Variants in CAMKK1 observed in about 807,000 individuals in gnomAD.
The protein encoded by CAMKK1 is calcium/calmodulin-dependent protein kinase kinase 1.
Under a neutral mutation model 63.5 loss-of-function variants are expected in CAMKK1, and 20 were observed. That is an observed-to-expected ratio of 0.32 (90% CI 0.22 to 0.46). The LOEUF (loss-of-function observed/expected upper bound fraction) is 0.46. Ranked by LOEUF, CAMKK1 falls within the 20% of genes least tolerant of loss-of-function variation. The pLI, the probability that CAMKK1 is intolerant of heterozygous loss-of-function variation, is 1.00. For missense variants in CAMKK1, 588 were observed against 658.1 expected, an observed-to-expected ratio of 0.89 and a Z score of 1.17; for synonymous variants, 253 against 269.0, an observed-to-expected ratio of 0.94 and a Z score of 0.58.
chr17:3,888,835 C>G (rs943408781), intron 1 of CAMKK1, among the ~76,000 whole-genome samples: 1 of 152,104 alleles, frequency 6.6e-6, no homozygotes, highest in Non-Finnish European at 1.5e-5. Flanking sequence ...CAGGGCCTGG[C>G]GCCCCGGCCG....
At chr17:3,880,228 GCTGATTGGCAGGTCAGCT>G in intron 9 of CAMKK1, 100 bp downstream of exon 9, 1 of 843,504 alleles carries the variant, frequency 1.2e-6, no homozygotes, top group Non-Finnish European at 1.9e-6. Flanking sequence ...TCCCACTGAA[GCTGATTGGCAGGTCAGCT>G]CTGACTGACG....
At position 3,890,101 on chromosome 17, in the gene CAMKK1, G is replaced by C. The variant is rs1376188693; in HGVS notation, c.-44+2838C>G. 6.6e-6 allele frequency among the ~76,000 whole-genome samples: 1 copy of C among 152,218 alleles called. No homozygotes were observed. The highest frequency in any genetic ancestry group is 1.9e-4 in the East Asian group (1 of 5,190). On this transcript the variant is annotated intron_variant, in intron 1 of 15. Coordinates refer to ENST00000348335, the MANE Select transcript of CAMKK1 (RefSeq NM_032294.3). The surrounding 1 kb of genome is among the most constrained non-coding windows in gnomAD (Gnocchi z 6.5). Reference sequence around the variant, plus strand: ...GCGGCCACCCAGGCCAGACACAGAAGGTGGTCCTCCCATGCCTGGGCCGCC... The same window carrying C: ...GCGGCCACCCAGGCCAGACACAGAACGTGGTCCTCCCATGCCTGGGCCGCC...
chr17:3,869,340 C>G (rs1179793881), intron 14 of CAMKK1, 147 bp downstream of exon 14: 3 of 1,066,710 alleles, frequency 2.8e-6, no homozygotes, highest in African/African-American at 3.2e-5. Context: ...TCTCCATGGG[C>G]CTCCAGCAGA....
In CAMKK1 at chr17:3,882,471, G is replaced by A; in HGVS notation, c.685+57C>T. 1 of 1,596,574 alleles carries A rather than the reference G, an allele frequency of 6.3e-7. No homozygotes were observed. Among genetic ancestry groups the A allele is most frequent in the Non-Finnish European group, 8.6e-7 (1 of 1,167,686 alleles). On this transcript the variant is annotated intron_variant, in intron 7 of 15. Transcript: ENST00000348335. The surrounding 1 kb of genome is among the most constrained non-coding windows in gnomAD (Gnocchi z 4.3). Reference sequence around the variant, plus strand: ...CACCTGAAGGTCATACATGTCCCAAGGGAGCCCTTGGGCCAGCCCTGAGTG... The same window carrying A: ...CACCTGAAGGTCATACATGTCCCAAAGGAGCCCTTGGGCCAGCCCTGAGTG...
At position 3,892,766 on chromosome 17, in the gene CAMKK1, C is replaced by T. The variant is rs2055950682; in HGVS notation, c.-44+173G>A. 1.3e-5 allele frequency among the ~76,000 whole-genome samples: 2 copies of T among 152,224 alleles called. No individual in the cohort carries two copies. Among genetic ancestry groups the T allele is most frequent in the East Asian group, 3.9e-4 (2 of 5,170 alleles). ...CGAGCAGACTCCGCGAGGCACCCCG[C>T]AGACCCGGCCCCGCAGACAGAAGGG... On this transcript the variant is annotated intron_variant, in intron 1 of 15. Coordinates refer to ENST00000348335, the MANE Select transcript of CAMKK1 (RefSeq NM_032294.3). This position sits in a 1 kb window ranked among gnomAD's most constrained non-coding sequence, Gnocchi z 7.5.
chr17:3,869,006 T>C lies in CAMKK1; in HGVS notation c.1341+481A>G, dbSNP rs566805908. ...TTTTTTGAGACGCAGTCTCGCTCTG[T>C]GGCCCAGGCTGGAGTGCAGTGGCGC... On this transcript the variant is annotated intron_variant, in intron 14 of 15. Transcript: ENST00000348335. 4.0e-3 allele frequency among the ~76,000 whole-genome samples: 596 copies of C among 149,592 alleles called. 2 individuals carry two copies. The highest frequency in any genetic ancestry group is 6.8e-3 in the Non-Finnish European group (461 of 67,508).
chr17:3,865,747 A>T (rs1160704638), intron 15 of CAMKK1, 161 bp downstream of exon 15: 1 of 1,444,458 alleles, frequency 6.9e-7, no homozygotes, highest in African/African-American at 1.4e-5. Flanking sequence ...AGCCCCGACT[A>T]ACCTTGGGGA....
At chr17:3,873,273 C>G (rs1042960216) in intron 11 of CAMKK1, 136 bp downstream of exon 11, 2 of 767,548 alleles carry the variant, frequency 2.6e-6, no homozygotes, top group African/African-American at 3.5e-5. Context: ...GAAAAAGCCT[C>G]TTCTCTCTCA....
At chr17:3,876,521 C>T (rs1410211668) in intron 9 of CAMKK1, 99 bp from the exon 10 acceptor site, 2 of 1,025,418 alleles carry the variant, frequency 2.0e-6, no homozygotes, top group Non-Finnish European at 3.0e-6. Context: ...GCCGGGACAT[C>T]CCAGCCCATG....
chr17:3,891,367 T>C (rs2055896845), intron 1 of CAMKK1, among the ~76,000 whole-genome samples: 1 of 151,608 alleles, frequency 6.6e-6, no homozygotes, highest in South Asian at 2.1e-4. Flanking sequence ...TACAGCCGAG[T>C]AAGAAGGATC....
chr17:3,868,676 G>A (rs1205169732), intron 14 of CAMKK1, among the ~76,000 whole-genome samples: 5 of 151,384 alleles, frequency 3.3e-5, no homozygotes, highest in Admixed American at 2.6e-4. Context: ...TTTTTGAGAT[G>A]GAGTCTCGTT....
chr17:3,869,602 A>G lies in CAMKK1; in HGVS notation c.1226T>C (p.Val409Ala). 4 of 1,614,158 alleles carry G rather than the reference A, an allele frequency of 2.5e-6. No homozygotes were observed. Among genetic ancestry groups the G allele is most frequent in the Middle Eastern group, 3.3e-4 (2 of 6,062 alleles). The stretch of plus-strand genomic sequence containing the variant: ...AAGGGGCTCCTCCCCGTTCTTGGTC[A>G]CCCAAGGGTGCAACTGTCGGGGCCG... ...GVPDIKLHPWVTKNGEEPLPS... is the reference protein window; with the variant it reads ...GVPDIKLHPWATKNGEEPLPS... The change falls in exon 14 of 16, where the codon GTG becomes GCG. Residue 409 changes from valine to alanine, a missense_variant. Physicochemically the swap from Val to Ala is moderately conservative, Grantham distance 64 (BLOSUM62 0). Transcript: ENST00000348335.
At chr17:3,877,183 G>A (rs1057036093) in intron 9 of CAMKK1, among the ~76,000 whole-genome samples, 6 of 152,180 alleles carry the variant, frequency 3.9e-5, no homozygotes, top group African/African-American at 1.4e-4. Context: ...TGTCCCTGCT[G>A]CTGGGACTGA....
intron 1 of CAMKK1, among the ~76,000 whole-genome samples, chr17:3,886,044 C>T (rs567540949): frequency 6.6e-6 from 1 of 152,340 alleles, no homozygotes; most frequent in East Asian, 1.9e-4. Context: ...AGCCTGGAGG[C>T]CCAGCAGCAC....
At position 3,876,286 on chromosome 17, in the gene CAMKK1, C is replaced by A. The variant is rs763372597; in HGVS notation, c.933G>T (p.Ala311=). The part of the protein sequence containing the change: ...EGNDAQLSST[A]GTPAFMAPEA... ...CGGGGGCCATGAATGCTGGGGTTCCCGCCGTGCTGGACAGCTGAGCGTCGT... is the reference window on the plus strand; with the variant it reads ...CGGGGGCCATGAATGCTGGGGTTCCAGCCGTGCTGGACAGCTGAGCGTCGT... Residue 311 remains alanine, a synonymous_variant, in exon 10 of 16, where the codon GCG becomes GCT. Coordinates refer to ENST00000348335, the MANE Select transcript of CAMKK1 (RefSeq NM_032294.3). The A allele has an allele frequency of 6.2e-7, 1 of 1,614,220 alleles. No individual in the cohort carries two copies. Among genetic ancestry groups the A allele is most frequent in the Non-Finnish European group, 8.5e-7 (1 of 1,180,056 alleles).
chr17:3,886,876 C>A (rs1020081995), intron 1 of CAMKK1, among the ~76,000 whole-genome samples: 1 of 152,114 alleles, frequency 6.6e-6, no homozygotes, highest in Non-Finnish European at 1.5e-5. Context: ...AACCTGATGC[C>A]CTTCCCCCTG....
At position 3,882,266 on chromosome 17, in the gene CAMKK1, C is replaced by T; in HGVS notation, c.685+262G>A. On this transcript the variant is annotated intron_variant, in intron 7 of 15. Coordinates refer to ENST00000348335, the MANE Select transcript of CAMKK1 (RefSeq NM_032294.3). This position sits in a 1 kb window ranked among gnomAD's most constrained non-coding sequence, Gnocchi z 4.3. The stretch of plus-strand genomic sequence containing the variant: ...TGCTTCCTGCATCTACCTGAGCGCG[C>T]AGCCCACGTGGATCCACTGTCTTGC... 1 of 1,612,588 alleles carries T rather than the reference C, an allele frequency of 6.2e-7. No homozygotes were observed. The highest frequency in any genetic ancestry group is 8.5e-7 in the Non-Finnish European group (1 of 1,179,000).
rs560443527 is a variant in CAMKK1, at chr17:3,875,872, C to T, written c.996+351G>A. 6.6e-5 allele frequency among the ~76,000 whole-genome samples: 10 copies of T among 152,248 alleles called. No homozygotes were observed. In the East Asian group the frequency reaches 1.5e-3, roughly 24 times the overall value. ...TCAGATCCTCCCCATTCTTCAAGGG[C>T]CAGTTCAAATCCTGCCATGTCCCAA... On this transcript the variant is annotated intron_variant, in intron 10 of 15. Coordinates refer to ENST00000348335, the MANE Select transcript of CAMKK1 (RefSeq NM_032294.3).
rs911451886 is a variant in CAMKK1, at chr17:3,882,250, C to G, written c.685+278G>C. The G allele has an allele frequency of 6.2e-7, 1 of 1,602,826 alleles. No homozygotes were observed. The highest frequency in any genetic ancestry group is 8.5e-7 in the Non-Finnish European group (1 of 1,171,934). ...GGGAACCCATGCAGCCTGCTTCCTG[C>G]ATCTACCTGAGCGCGCAGCCCACGT... On this transcript the variant is annotated intron_variant, in intron 7 of 15. Transcript: ENST00000348335. This position sits in a 1 kb window ranked among gnomAD's most constrained non-coding sequence, Gnocchi z 4.3.
Sources: allele counts gnomAD v4.1 joint callset (sites outside exome capture counted in the v4.1 genomes callset), GRCh38; gene constraint gnomAD v4.1.1; non-coding constraint Gnocchi (gnomAD v3.1); transcripts MANE v1.5; gene names NCBI Gene and HGNC (gene_info 2026-07-23, HGNC 2026-07-21).